Variants in MDM2 observed in about 807,000 individuals in gnomAD.
MDM2 encodes E3 ubiquitin-protein ligase Mdm2.
Under a neutral mutation model 64.3 loss-of-function variants are expected in MDM2, and 11 were observed. The observed-to-expected ratio is 0.17, with a 90% CI of 0.11 to 0.28. The LOEUF is 0.28. MDM2 is among the 10% of genes least tolerant of loss of function. The pLI, the probability that MDM2 is intolerant of heterozygous loss-of-function variation, is 1.00. For synonymous variants in MDM2, 194 were observed against 192.9 expected (o/e 1.01, Z -0.05); for missense variants, 388 against 577.1 (o/e 0.67, Z 3.36).
In MDM2 at chr12:68,825,661, GAGAGAGAAAATAGTTGAC is replaced by G. The variant is rs1459710195; in HGVS notation, c.523+1028_523+1045del. 5.3e-5 allele frequency among the ~76,000 whole-genome samples: 8 copies of G among 152,320 alleles called. No individual in the cohort carries two copies. In the East Asian group the frequency reaches 7.7e-4, roughly 15 times the overall value. ...AGTGAGACTGTCTAAAAAAAAGAGA[GAGAGAGAAAATAGTTGAC>G]AGAGAGAAAATAGTTGAGAACAGTT... is the stretch of plus-strand genomic sequence containing the variant. On this transcript the variant is annotated intron_variant, in intron 7 of 10. Transcript: ENST00000258149.
At chr12:68,828,279 G>A (rs1194157180) in intron 7 of MDM2, 2 of 152,152 alleles carry the variant, frequency 1.3e-5, no homozygotes, top group African/African-American at 4.8e-5. Flanking sequence ...TAGATTTTTT[G>A]GTTAATAAAA....
At chr12:68,847,619 A>G (rs1246850471), downstream of MDM2, 1 of 150,958 alleles carries the variant, frequency 6.6e-6, no homozygotes, top group East Asian at 2.0e-4. Flanking sequence ...GCGCCTGGCT[A>G]ATTTTTTGTA....
intron 3 of MDM2, among the ~76,000 whole-genome samples, chr12:68,816,091 A>G (rs1288407660): frequency 1.3e-5 from 2 of 152,122 alleles, no homozygotes; most frequent in Non-Finnish European, 2.9e-5. Flanking sequence ...TGGTGACCTC[A>G]GAGGCTATTG....
chr12:68,846,143 T>TG (rs1418719157), downstream of MDM2: 3 of 152,152 alleles, frequency 2.0e-5, no homozygotes, highest in African/African-American at 7.2e-5. Flanking sequence ...TTAGTAGAGA[T>TG]GGGGTTTCAG....
chr12:68,824,312 CGCCG>C, intron 5 of MDM2, 47 bp from the exon 6 acceptor site: 2 of 1,373,416 alleles, frequency 1.5e-6, no homozygotes, highest in Non-Finnish European at 2.1e-6. Flanking sequence ...AGTAGCGCCC[CGCCG>C]CCCCCCGCCC....
intron 2 of MDM2, among the ~76,000 whole-genome samples, chr12:68,813,259 C>G (rs1483650943): frequency 6.6e-6 from 1 of 152,180 alleles, no homozygotes; most frequent in Non-Finnish European, 1.5e-5. Context: ...TTGCAATAAG[C>G]TCGTTGGATC....
intron 2 of MDM2, among the ~76,000 whole-genome samples, chr12:68,811,312 A>G (rs1880869860): frequency 6.6e-6 from 1 of 152,156 alleles, no homozygotes; most frequent in South Asian, 2.1e-4. Context: ...CTAATGTAGC[A>G]TTTAATTTTA....
At chr12:68,809,710 C>T (rs962340795) in intron 2 of MDM2, among the ~76,000 whole-genome samples, 6 of 152,038 alleles carry the variant, frequency 3.9e-5, no homozygotes, top group African/African-American at 1.4e-4. Context: ...CTCCATGTTT[C>T]CTTTTAGATT....
intron 4 of MDM2, 84 bp downstream of exon 4, chr12:68,817,029 G>A: frequency 6.7e-7 from 1 of 1,489,808 alleles, no homozygotes; most frequent in Non-Finnish European, 9.0e-7. Context: ...TTTTGTCAGA[G>A]AAAAACTGTT....
rs757888234 is a variant in MDM2 at position 68,836,658 on chromosome 12, ATG to A, written c.841-10_841-9del. 8 of 1,574,442 alleles carry A rather than the reference ATG, an allele frequency of 5.1e-6. No individual in the cohort carries two copies. In the African/African-American group the frequency reaches 1.1e-4, roughly 21 times the overall value. On this transcript the variant is annotated splice_polypyrimidine_tract_variant and intron_variant, in intron 9 of 10. Coordinates refer to ENST00000258149, the MANE Select transcript of MDM2 (RefSeq NM_002392.6). ...TAGGGCGATGAATTGATGCTAATGA[ATG>A]TGTTTTATTAGGTATATCAAGTTAC...
chr12:68,829,274 GT>G (rs1249403213), intron 8 of MDM2, among the ~76,000 whole-genome samples: 2 of 152,084 alleles, frequency 1.3e-5, no homozygotes, highest in African/African-American at 4.8e-5. Flanking sequence ...GAATTTGAGA[GT>G]TACACTTTTT....
At chr12:68,825,507 G>C (rs909040491) in intron 7 of MDM2, among the ~76,000 whole-genome samples, 2 of 152,138 alleles carry the variant, frequency 1.3e-5, no homozygotes, top group Admixed American at 1.3e-4. Flanking sequence ...CAAAAAATTA[G>C]CTGGATGTGG....
Position 68,844,433 on chromosome 12 carries a change from T to C in MDM2, c.*4584T>C. The C allele has an allele frequency of 4.4e-6, 1 of 228,254 alleles. No individual in the cohort carries two copies. Among genetic ancestry groups the C allele is most frequent in the East Asian group, 6.3e-5 (1 of 15,956 alleles). The allele number at this position is 228,254 out of a possible 1,614,324, so 14.1% of individuals were successfully genotyped here. On this transcript the variant is annotated 3_prime_UTR_variant, in exon 11 of 11. Coordinates refer to ENST00000258149, the MANE Select transcript of MDM2 (RefSeq NM_002392.6). ...AGTAAGAAATGCTGTGTTCTCCCTG[T>C]CTTCTCTTAGGTCACATGGCAGCCT...
intron 5 of MDM2, among the ~76,000 whole-genome samples, chr12:68,823,246 G>A (rs1015311471): frequency 1.5e-5 from 2 of 132,616 alleles, no homozygotes; most frequent in Non-Finnish European, 3.4e-5. Context: ...AGATGAAAAT[G>A]TTTCCAAGGG....
intron 10 of MDM2, among the ~76,000 whole-genome samples, chr12:68,836,993 T>G (rs981717773): frequency 4.7e-5 from 7 of 150,512 alleles, no homozygotes; most frequent in African/African-American, 1.7e-4. Context: ...CTTACCCTTC[T>G]CCCAAGCTGG....
chr12:68,843,592 G>A lies in MDM2; in HGVS notation c.*3743G>A. The A allele has an allele frequency of 4.4e-6, 1 of 226,534 alleles. No homozygotes were observed. Among genetic ancestry groups the A allele is most frequent in the African/African-American group, 2.2e-5 (1 of 45,002 alleles). The allele number at this position is 226,534 out of a possible 1,614,324, so 14.0% of individuals were successfully genotyped here. ...AGTGTTTTTCTCCCATATGTGAATT[G>A]TATATACTTAGGTGAAGACAATAAA... On this transcript the variant is annotated 3_prime_UTR_variant, in exon 11 of 11. Transcript: ENST00000258149.
chr12:68,818,183 C>T (rs889334298), intron 4 of MDM2, among the ~76,000 whole-genome samples: 7 of 152,074 alleles, frequency 4.6e-5, no homozygotes, highest in South Asian at 2.1e-4. Context: ...GGAATGAATA[C>T]GTTCACCTGA....
At chr12:68,847,376 G>A (rs1884391563), downstream of MDM2, 1 of 147,010 alleles carries the variant, frequency 6.8e-6, no homozygotes, top group African/African-American at 2.5e-5. Flanking sequence ...CAACTCTGAG[G>A]TATTCTGTTC....
intron 4 of MDM2, among the ~76,000 whole-genome samples, chr12:68,818,596 G>A (rs1449500991): frequency 6.8e-6 from 1 of 147,736 alleles, no homozygotes; most frequent in Non-Finnish European, 1.5e-5. Flanking sequence ...ACAAATATAT[G>A]TATAATTATT....
Sources: gnomAD v4.1 joint callset for allele counts (sites outside exome capture counted in the v4.1 genomes callset) on GRCh38, gnomAD v4.1.1 for gene constraint, MANE v1.5 for transcripts, NCBI Gene and HGNC (gene_info 2026-07-23, HGNC 2026-07-21) for gene names.